Variants in MS4A15 observed in about 807,000 individuals in gnomAD.
The protein encoded by MS4A15 is membrane-spanning 4-domains subfamily A member 15.
In MS4A15, 22 loss-of-function variants were observed where a neutral mutation model predicts 20.6. The observed-to-expected ratio is 1.07, with a 90% CI of 0.76 to 1.52. The LOEUF is 1.52. MS4A15 is among the 40% of genes most tolerant of loss of function. The pLI, the probability that MS4A15 is intolerant of heterozygous loss-of-function variation, is 0.00. For missense variants in MS4A15, 312 were observed against 323.0 expected, an observed-to-expected ratio of 0.97 and a Z score of 0.26; for synonymous variants, 129 against 129.3, an observed-to-expected ratio of 1.00 and a Z score of 0.02.
At chr11:60,758,390 C>T (rs963031935) in intron 1 of MS4A15, among the ~76,000 whole-genome samples, 1 of 152,204 alleles carries the variant, frequency 6.6e-6, no homozygotes, top group Admixed American at 6.5e-5. Context: ...CATCCTAAGG[C>T]TACCAAACTT....
chr11:60,774,118 A>G (rs1023809514), intron 6 of MS4A15, among the ~76,000 whole-genome samples, 168 bp downstream of exon 6: 5 of 152,154 alleles, frequency 3.3e-5, no homozygotes, highest in African/African-American at 1.2e-4. Flanking sequence ...CAGGGGGCCC[A>G]AAGAAGTCTT....
At chr11:60,759,771 A>C (rs988314217) in intron 1 of MS4A15, among the ~76,000 whole-genome samples, 2 of 152,076 alleles carry the variant, frequency 1.3e-5, no homozygotes, top group Non-Finnish European at 1.5e-5. Context: ...ACATAAATCT[A>C]GCCTACGTGC....
chr11:60,775,674 C>T lies in MS4A15; in HGVS notation c.682C>T (p.Pro228Ser). 6.2e-7 allele frequency: 1 copy of T among 1,614,022 alleles called. No individual in the cohort carries two copies. The highest frequency in any genetic ancestry group is 8.5e-7 in the Non-Finnish European group (1 of 1,179,956). ...NIPSPAASAPPAYDNVAYAQG... is the reference protein window; with the variant it reads ...NIPSPAASAPSAYDNVAYAQG... ...CCCCAGCCCGGCAGCCTCTGCGCCC[C>T]CTGCCTATGACAATGTGGCATATGC... is the stretch of plus-strand genomic sequence containing the variant. The change falls in exon 7 of 7, where the codon CCT (proline) becomes TCT (serine). Residue 228 changes from proline (P) to serine (S), a missense_variant. Transcript: ENST00000405633.
At chr11:60,757,488 C>T (rs563055887) in intron 1 of MS4A15, among the ~76,000 whole-genome samples, 10 of 152,294 alleles carry the variant, frequency 6.6e-5, no homozygotes, top group Non-Finnish European at 1.5e-4. Context: ...GAACAGGAGC[C>T]AACCAGGACA....
intron 2 of MS4A15, among the ~76,000 whole-genome samples, chr11:60,766,112 G>T (rs532526298): frequency 3.3e-5 from 5 of 152,206 alleles, no homozygotes; most frequent in Non-Finnish European, 7.3e-5. Flanking sequence ...CAGGCGCAGT[G>T]GCCCACGCCT....
At chr11:60,763,102 C>T (rs2134705665) in intron 1 of MS4A15, among the ~76,000 whole-genome samples, 1 of 152,328 alleles carries the variant, frequency 6.6e-6, no homozygotes, top group African/African-American at 2.4e-5. Flanking sequence ...CTGGAATTGT[C>T]TAAGAACTCA....
chr11:60,774,065 G>A, intron 6 of MS4A15, 115 bp downstream of exon 6: 1 of 765,186 alleles, frequency 1.3e-6, no homozygotes, highest in South Asian at 1.5e-5. Context: ...ACTCTGGGAA[G>A]CAATAAGAAG....
At chr11:60,773,553 G>C in intron 5 of MS4A15, 69 bp downstream of exon 5, 1 of 1,434,104 alleles carries the variant, frequency 7.0e-7, no homozygotes, top group Non-Finnish European at 9.8e-7. Context: ...AGGAGGGTAG[G>C]GAGGTGAGAG....
chr11:60,764,155 A>G (rs1853824077), intron 2 of MS4A15, among the ~76,000 whole-genome samples, 197 bp downstream of exon 2: 1 of 152,266 alleles, frequency 6.6e-6, no homozygotes. Flanking sequence ...CAAATGACTC[A>G]GAAACCTCCA....
chr11:60,765,258 G>A (rs193058877), intron 2 of MS4A15, among the ~76,000 whole-genome samples: 319 of 152,258 alleles, frequency 2.1e-3, no homozygotes, highest in African/African-American at 7.2e-3. Context: ...TTCTGTACTG[G>A]TTGGGTTGCA....
chr11:60,772,539 C>T (rs2134727597), intron 4 of MS4A15, among the ~76,000 whole-genome samples: 1 of 152,306 alleles, frequency 6.6e-6, no homozygotes, highest in East Asian at 1.9e-4. Context: ...TCAATAAAAG[C>T]TTTTGGCTTA....
chr11:60,774,048 C>T lies in MS4A15; in HGVS notation c.612+98C>T, dbSNP rs1041982012. ...AGCGCGCTCTGCCTCCAGACCCCTC[C>T]CTCTGCACTCTGGGAAGCAATAAGA... On this transcript the variant is annotated intron_variant, in intron 6 of 6. Coordinates refer to ENST00000405633, the MANE Select transcript of MS4A15 (RefSeq NM_001098835.2). 27 of 847,024 alleles carry T rather than the reference C, an allele frequency of 3.2e-5. No homozygotes were observed. In the African/African-American group the frequency reaches 4.2e-4, roughly 13 times the overall value. 52.5% of individuals were successfully genotyped at this position (847,024 alleles called of 1,614,324 possible).
At chr11:60,757,294 T>G (rs1853619910) in intron 1 of MS4A15, among the ~76,000 whole-genome samples, 1 of 152,162 alleles carries the variant, frequency 6.6e-6, no homozygotes, top group African/African-American at 2.4e-5. Flanking sequence ...AGACTTGAGT[T>G]ATGGAGCAGG....
intron 4 of MS4A15, 91 bp downstream of exon 4, chr11:60,771,438 C>A: frequency 6.3e-7 from 1 of 1,580,270 alleles, no homozygotes; most frequent in Non-Finnish European, 8.6e-7. Context: ...ACTCCTTCAG[C>A]TCATTCCCCA....
chr11:60,757,595 C>T (rs532993099), intron 1 of MS4A15, among the ~76,000 whole-genome samples: 1 of 152,214 alleles, frequency 6.6e-6, no homozygotes, highest in East Asian at 1.9e-4. Context: ...CGGACCGGAG[C>T]CTTTTCCTCC....
At chr11:60,759,959 G>T (rs1853693500) in intron 1 of MS4A15, among the ~76,000 whole-genome samples, 1 of 152,172 alleles carries the variant, frequency 6.6e-6, no homozygotes, top group South Asian at 2.1e-4. Flanking sequence ...TCGGAGACCG[G>T]CGCCGGTGCA....
chr11:60,774,450 G>T (rs1034426618), intron 6 of MS4A15, among the ~76,000 whole-genome samples: 5 of 152,132 alleles, frequency 3.3e-5, no homozygotes, highest in East Asian at 1.9e-4. Context: ...GTCTTCGCAG[G>T]TCAGTGAAGA....
intron 1 of MS4A15, among the ~76,000 whole-genome samples, chr11:60,763,037 T>C (rs546711618): frequency 1.3e-5 from 2 of 152,274 alleles, no homozygotes; most frequent in African/African-American, 4.8e-5. Flanking sequence ...GGACAGATGC[T>C]GGGGTGGACT....
intron 2 of MS4A15, among the ~76,000 whole-genome samples, chr11:60,764,753 A>G (rs1476658323): frequency 1.3e-5 from 2 of 152,122 alleles, no homozygotes; most frequent in African/African-American, 4.8e-5. Flanking sequence ...TACTAGAAAT[A>G]CAAAAATTAG....
Sources: gnomAD v4.1 joint callset for allele counts (sites outside exome capture counted in the v4.1 genomes callset) on GRCh38, gnomAD v4.1.1 for gene constraint, MANE v1.5 for transcripts, NCBI Gene and HGNC (gene_info 2026-07-23, HGNC 2026-07-21) for gene names.